RALGPS1: variants seen among roughly 807,000 people sequenced by gnomAD.
RALGPS1 encodes the protein ras-specific guanine nucleotide-releasing factor RalGPS1.
A neutral mutation model predicts 78.8 loss-of-function variants in RALGPS1; 19 were observed. That is an observed-to-expected ratio of 0.24 (90% CI 0.17 to 0.35). The LOEUF (loss-of-function observed/expected upper bound fraction) is 0.35, where lower values mean the gene tolerates loss of function less well. Ranked by LOEUF, RALGPS1 falls within the 10% of genes least tolerant of loss-of-function variation. The pLI is 1.00. For missense variants in RALGPS1, 454 were observed against 688.3 expected (o/e 0.66, Z 3.81); for synonymous variants, 228 against 256.3 (o/e 0.89, Z 1.06).
intron 8 of RALGPS1, among the ~76,000 whole-genome samples, chr9:127,164,879 T>C (rs1039765417): frequency 2.0e-5 from 3 of 152,214 alleles, no homozygotes; most frequent in Admixed American, 6.5e-5. Flanking sequence ...ACTGTATCAT[T>C]GCATTAATAT....
chr9:127,082,546 G>A (rs754258439), intron 8 of RALGPS1, among the ~76,000 whole-genome samples: 2 of 152,106 alleles, frequency 1.3e-5, no homozygotes, highest in Admixed American at 6.5e-5. Flanking sequence ...TGAGTGATAC[G>A]GGGTGACATA....
intron 8 of RALGPS1, among the ~76,000 whole-genome samples, chr9:127,110,534 G>T (rs570674088): frequency 6.6e-6 from 1 of 152,142 alleles, no homozygotes; most frequent in Non-Finnish European, 1.5e-5. Context: ...ATTTATTTCT[G>T]GAACTCTCCC....
intron 8 of RALGPS1, chr9:127,108,867 C>T: frequency 1.0e-6 from 1 of 989,106 alleles, no homozygotes; most frequent in East Asian, 2.7e-5. Flanking sequence ...TCTCGCCAGG[C>T]AGGCAGAGCT....
chr9:127,021,487 G>A (rs1321015276), intron 4 of RALGPS1, among the ~76,000 whole-genome samples: 1 of 137,312 alleles, frequency 7.3e-6, no homozygotes, highest in African/African-American at 2.6e-5. Flanking sequence ...AACAAAGGGA[G>A]ACTCTGTCTC....
Position 127,168,726 on chromosome 9 carries a change from C to G in RALGPS1, c.796C>G (p.Arg266Gly), listed in dbSNP as rs754451190. 1 of 1,613,782 alleles carries G rather than the reference C, an allele frequency of 6.2e-7. No homozygotes were observed. The highest frequency in any genetic ancestry group is 8.5e-7 in the Non-Finnish European group (1 of 1,179,760). The change falls in exon 10 of 19, where the codon CGC becomes GGC. Residue 266 changes from arginine (R) to glycine (G), a missense_variant. Physicochemically the swap from Arg to Gly is moderately radical, Grantham distance 125 (BLOSUM62 -2). Coordinates refer to ENST00000259351, the MANE Select transcript of RALGPS1 (RefSeq NM_014636.3). The part of the protein sequence containing the change: ...PHVQKYLKSV[R>G]YIEELQKFVE... ...TGTGCAGAAGTACCTGAAGTCCGTACGCTACATTGAAGAGCTCCAGAAGTT... is the reference window on the plus strand; with the variant it reads ...TGTGCAGAAGTACCTGAAGTCCGTAGGCTACATTGAAGAGCTCCAGAAGTT...
In RALGPS1 at chr9:127,214,086, C is replaced by T. The variant is rs537245564; in HGVS notation, c.1553-665C>T. The T allele has an allele frequency of 2.6e-5, 4 of 152,326 alleles. No individual in the cohort carries two copies. The South Asian group carries it at 8.3e-4, about 32-fold the overall frequency. The allele number at this position is 152,326 out of a possible 1,614,324, so 9.4% of individuals were successfully genotyped here. ...TTGGATACCATTTGAGTTTCTTCCT[C>T]CCTCAACAGTCTGGACCGGATTAGC... is the stretch of plus-strand genomic sequence containing the variant. On this transcript the variant is annotated intron_variant, in intron 17 of 18. Coordinates refer to ENST00000259351, the MANE Select transcript of RALGPS1 (RefSeq NM_014636.3).
rs2052503270 is a variant in RALGPS1, at chr9:127,091,755, G to A, written c.610+22399G>A. ...AGGAGTCACCCGCATTGCCATGGTA[G>A]CGCCCCAGCCGCAGCTTATAATACT... On this transcript the variant is annotated intron_variant, in intron 8 of 18. Transcript: ENST00000259351. This position sits in a 1 kb window ranked among gnomAD's most constrained non-coding sequence, Gnocchi z 4.3. 3 of 1,614,144 alleles carry A rather than the reference G, an allele frequency of 1.9e-6. No individual in the cohort carries two copies. The African/African-American group carries it at 4.0e-5, about 22-fold the overall frequency.
intron 4 of RALGPS1, among the ~76,000 whole-genome samples, chr9:126,983,948 CAT>C (rs145423375): frequency 6.6e-6 from 1 of 152,246 alleles, no homozygotes; most frequent in East Asian, 1.9e-4. Flanking sequence ...TGCTCTGTGT[CAT>C]GTGAAGATTC....
At chr9:127,066,410 G>A (rs1433283603) in intron 7 of RALGPS1, among the ~76,000 whole-genome samples, 1 of 152,364 alleles carries the variant, frequency 6.6e-6, no homozygotes, top group African/African-American at 2.4e-5. Flanking sequence ...GGAGGCCAAG[G>A]CTGGCGGATC....
chr9:127,039,571 G>A (rs1180772385), intron 5 of RALGPS1, among the ~76,000 whole-genome samples: 1 of 152,148 alleles, frequency 6.6e-6, no homozygotes, highest in Non-Finnish European at 1.5e-5. Flanking sequence ...TTAAGGATGT[G>A]AAGGAGCCAG....
At chr9:126,997,788 C>A (rs1389636835) in intron 4 of RALGPS1, among the ~76,000 whole-genome samples, 11 of 152,030 alleles carry the variant, frequency 7.2e-5, no homozygotes, top group African/African-American at 2.4e-4. Context: ...GGCTACAGTA[C>A]CCAAAACAGC....
intron 1 of RALGPS1, among the ~76,000 whole-genome samples, chr9:126,959,102 G>A (rs1413729517): frequency 1.4e-5 from 2 of 141,932 alleles, no homozygotes; most frequent in Non-Finnish European, 3.0e-5. Context: ...TCACTCTGTT[G>A]CTCAGGCTGG....
intron 14 of RALGPS1, among the ~76,000 whole-genome samples, chr9:127,204,559 T>C (rs1247512800): frequency 6.6e-6 from 1 of 151,424 alleles, no homozygotes; most frequent in Non-Finnish European, 1.5e-5. Context: ...TGGACTGGAG[T>C]GATGGCAAAT....
intron 8 of RALGPS1, among the ~76,000 whole-genome samples, chr9:127,160,572 C>T (rs983371977): frequency 2.0e-5 from 3 of 152,134 alleles, no homozygotes; most frequent in Admixed American, 6.6e-5. Context: ...GTCCAGTCTG[C>T]GGGTGGGCAT....
intron 3 of RALGPS1, among the ~76,000 whole-genome samples, chr9:126,968,002 C>CTTTTTT (rs745689127): frequency 7.7e-6 from 1 of 130,638 alleles, no homozygotes. Context: ...GAGTTCAATT[C>CTTTTTT]TTTTTTTTTT....
chr9:127,077,317 A>T (rs1003896786), intron 8 of RALGPS1, among the ~76,000 whole-genome samples: 1 of 152,206 alleles, frequency 6.6e-6, no homozygotes, highest in African/African-American at 2.4e-5. Flanking sequence ...AAAGCAGTTC[A>T]TTTTAGAGCA....
chr9:127,022,481 C>T (rs990614679), intron 4 of RALGPS1, among the ~76,000 whole-genome samples: 1 of 151,874 alleles, frequency 6.6e-6, no homozygotes, highest in African/African-American at 2.4e-5. Flanking sequence ...GGAGCCACCT[C>T]TGCCCAGTCC....
At chr9:127,110,706 G>T (rs2137203186) in intron 8 of RALGPS1, among the ~76,000 whole-genome samples, 1 of 152,228 alleles carries the variant, frequency 6.6e-6, no homozygotes, top group East Asian at 1.9e-4. Context: ...CACTCTGGTT[G>T]CTCAGGCCGA....
chr9:126,922,700 G>A (rs113879141), intron 1 of RALGPS1, among the ~76,000 whole-genome samples: 2 of 152,142 alleles, frequency 1.3e-5, no homozygotes, highest in Admixed American at 6.5e-5. Flanking sequence ...CCCTGCCTTA[G>A]CATATAGTAC....
Sources: gnomAD v4.1 joint callset for allele counts (sites outside exome capture counted in the v4.1 genomes callset) on GRCh38, gnomAD v4.1.1 for gene constraint, Gnocchi (gnomAD v3.1) non-coding constraint, MANE v1.5 for transcripts, NCBI Gene and HGNC (gene_info 2026-07-23, HGNC 2026-07-21) for gene names.